Variants in RNF150 observed in about 807,000 individuals in gnomAD.
RNF150 encodes ring finger protein 150.
A neutral mutation model predicts 39.3 loss-of-function variants in RNF150; 24 were observed. The observed-to-expected ratio is 0.61, with a 90% CI of 0.44 to 0.86. The LOEUF is 0.86. Among genes scored for constraint, RNF150 ranks in the 40% least tolerant of loss-of-function variants. The probability of loss-of-function intolerance (pLI) is 0.00; values close to 1 mark genes in which losing one functional copy is unlikely to be tolerated. For missense variants in RNF150, 502 were observed against 587.8 expected, an observed-to-expected ratio of 0.85 and a Z score of 1.51; for synonymous variants, 255 against 227.3, an observed-to-expected ratio of 1.12 and a Z score of -1.10.
intron 1 of RNF150, among the ~76,000 whole-genome samples, chr4:141,156,327 T>C (rs1394355312): frequency 6.6e-6 from 1 of 152,130 alleles, no homozygotes; most frequent in Non-Finnish European, 1.5e-5. Flanking sequence ...GTCATCCAGG[T>C]TGAAGTGCAG....
intron 6 of RNF150, among the ~76,000 whole-genome samples, chr4:140,894,972 A>G (rs1237805380): frequency 6.6e-6 from 1 of 152,164 alleles, no homozygotes; most frequent in Non-Finnish European, 1.5e-5. Context: ...CAATTCAGGG[A>G]ACTCTCAGGG....
At chr4:141,150,054 A>G (rs1482747826) in intron 1 of RNF150, among the ~76,000 whole-genome samples, 1 of 152,196 alleles carries the variant, frequency 6.6e-6, no homozygotes, top group Non-Finnish European at 1.5e-5. Flanking sequence ...CATAAATGAT[A>G]AATTATCACT....
At chr4:141,111,062 G>A (rs1024560203) in intron 1 of RNF150, among the ~76,000 whole-genome samples, 1 of 152,144 alleles carries the variant, frequency 6.6e-6, no homozygotes, top group African/African-American at 2.4e-5. Context: ...AGTAAGGACA[G>A]ACCAGGAATT....
chr4:140,936,820 AATATG>A (rs768096457), intron 4 of RNF150, among the ~76,000 whole-genome samples: 2 of 152,274 alleles, frequency 1.3e-5, no homozygotes, highest in Admixed American at 6.5e-5. Flanking sequence ...ATTTATATTA[AATATG>A]ATATGATATA....
At chr4:141,080,659 G>A (rs1475651090) in intron 1 of RNF150, among the ~76,000 whole-genome samples, 1 of 152,164 alleles carries the variant, frequency 6.6e-6, no homozygotes, top group Non-Finnish European at 1.5e-5. Flanking sequence ...AAGCCTATGA[G>A]GATATTAATT....
At chr4:140,972,105 T>C (rs1733489854) in intron 1 of RNF150, among the ~76,000 whole-genome samples, 1 of 152,140 alleles carries the variant, frequency 6.6e-6, no homozygotes, top group African/African-American at 2.4e-5. Context: ...TTCAAAACTA[T>C]AGTCCTCAGG....
In RNF150 at chr4:140,860,389, C is replaced by T. The variant is rs1728437861; in HGVS notation, c.*7872G>A. 6.6e-6 allele frequency: 1 copy of T among 151,986 alleles called. No homozygotes were observed. Among genetic ancestry groups the T allele is most frequent in the South Asian group, 2.1e-4 (1 of 4,808 alleles). The allele number at this position is 151,986 out of a possible 1,614,324, so 9.4% of individuals were successfully genotyped here. ...GAACTGAAGTCCAAATGAAAGACTC[C>T]CCATGCAAATGTCATCAGGAGTGAC... On this transcript the variant is annotated 3_prime_UTR_variant, in exon 7 of 7. Coordinates refer to ENST00000515673, the MANE Select transcript of RNF150 (RefSeq NM_020724.2).
rs78038613 is a variant in RNF150 at position 140,877,315 on chromosome 4, G to GT, written c.1199-8937dup. Among the ~76,000 whole-genome samples, 900 of 151,586 alleles carry GT rather than the reference G, an allele frequency of 5.9e-3. 12 individuals carry two copies. The highest frequency in any genetic ancestry group is 0.017 in the African/African-American group (723 of 41,338). ...TCTAGTGCACATTGTGTTGTCAACA[G>GT]TTTTTTTTTACAATGCCCAATTAGT... is the stretch of plus-strand genomic sequence containing the variant. On this transcript the variant is annotated intron_variant, in intron 6 of 6. Coordinates refer to ENST00000515673, the MANE Select transcript of RNF150 (RefSeq NM_020724.2).
At chr4:141,143,714 T>TG (rs1727158086) in intron 1 of RNF150, among the ~76,000 whole-genome samples, 1 of 152,216 alleles carries the variant, frequency 6.6e-6, no homozygotes, top group Non-Finnish European at 1.5e-5. Context: ...CACACTGGTT[T>TG]GTTTTTGTTT....
intron 6 of RNF150, chr4:140,910,940 A>C: frequency 1.7e-6 from 1 of 601,032 alleles, no homozygotes; most frequent in South Asian, 2.0e-5. Context: ...AGGCAGGAGC[A>C]TGGGCACACA....
chr4:141,123,829 T>G (rs970820630), intron 1 of RNF150, among the ~76,000 whole-genome samples: 5 of 152,188 alleles, frequency 3.3e-5, no homozygotes, highest in African/African-American at 1.2e-4. Context: ...GAGATAGTTT[T>G]CTCAGAATGA....
intron 1 of RNF150, among the ~76,000 whole-genome samples, chr4:140,988,367 C>A (rs1481104946): frequency 2.0e-5 from 3 of 151,882 alleles, no homozygotes; most frequent in Admixed American, 2.0e-4. Flanking sequence ...CCATCAACAG[C>A]AGATTGAATA....
At chr4:141,029,217 T>C (rs1735832898) in intron 1 of RNF150, among the ~76,000 whole-genome samples, 1 of 152,208 alleles carries the variant, frequency 6.6e-6, no homozygotes, top group South Asian at 2.1e-4. Flanking sequence ...TTCCTTAGGT[T>C]CTATACAGGT....
At chr4:141,164,512 C>T (rs1727568010) in intron 1 of RNF150, among the ~76,000 whole-genome samples, 1 of 152,042 alleles carries the variant, frequency 6.6e-6, no homozygotes, top group South Asian at 2.1e-4. Flanking sequence ...ACCACTTCAC[C>T]AAGGTTGAAA....
At chr4:141,131,372 A>T (rs1034374457) in intron 1 of RNF150, among the ~76,000 whole-genome samples, 4 of 152,268 alleles carry the variant, frequency 2.6e-5, no homozygotes, top group Non-Finnish European at 5.9e-5. Flanking sequence ...CTTCTCAGGC[A>T]CACAAATACA....
chr4:141,188,542 G>A lies in RNF150; in HGVS notation c.-6+24252C>T, dbSNP rs187800246. Among the ~76,000 whole-genome samples, 509 of 152,074 alleles carry A rather than the reference G, an allele frequency of 3.3e-3. 2 individuals carry two copies. Among genetic ancestry groups the A allele is most frequent in the African/African-American group, 0.012 (480 of 41,488 alleles). On this transcript the variant is annotated intron_variant, in intron 1 of 7. Coordinates refer to the RNF150 transcript ENST00000420921. ...CCCATATTTCTTGGAGGCTTGTTTC[G>A]TTCCTTTTCAGTCTTTTTTCTCTAA...
chr4:141,159,773 G>A (rs1056861331), intron 1 of RNF150, among the ~76,000 whole-genome samples: 1 of 152,078 alleles, frequency 6.6e-6, no homozygotes, highest in Non-Finnish European at 1.5e-5. Context: ...CCAACTTACG[G>A]GTTCAAGTGA....
At chr4:141,102,397 A>C (rs1316212694) in intron 1 of RNF150, among the ~76,000 whole-genome samples, 1 of 152,180 alleles carries the variant, frequency 6.6e-6, no homozygotes, top group African/African-American at 2.4e-5. Flanking sequence ...TCCTTTCCTA[A>C]AGGTTATTAA....
chr4:140,879,104 C>G (rs1470829349), intron 6 of RNF150, among the ~76,000 whole-genome samples: 1 of 152,190 alleles, frequency 6.6e-6, no homozygotes, highest in Non-Finnish European at 1.5e-5. Context: ...GTCTACATGT[C>G]TGTCTTTATG....
Sources: allele counts gnomAD v4.1 joint callset (sites outside exome capture counted in the v4.1 genomes callset), GRCh38; gene constraint gnomAD v4.1.1; transcripts MANE v1.5; gene names NCBI Gene and HGNC (gene_info 2026-07-23, HGNC 2026-07-21).